The following TFB1M variants were observed in gnomAD, a reference collection of about 807,000 sequenced individuals.
The protein encoded by TFB1M is dimethyladenosine transferase 1, mitochondrial.
A neutral mutation model predicts 31.1 loss-of-function variants in TFB1M; 27 were observed. The ratio of observed to expected loss-of-function variants is 0.87; its 90% CI spans 0.64 to 1.20. TFB1M has a LOEUF of 1.20. Ranked by LOEUF, TFB1M falls within the 50% of genes most tolerant of loss-of-function variation. The pLI, the probability that TFB1M is intolerant of heterozygous loss-of-function variation, is 0.00. For missense variants in TFB1M, 394 were observed against 418.7 expected, an observed-to-expected ratio of 0.94 and a Z score of 0.51; for synonymous variants, 166 against 151.8, an observed-to-expected ratio of 1.09 and a Z score of -0.69.
chr6:155,281,750 T>C (rs974697513), intron 5 of TFB1M, among the ~76,000 whole-genome samples: 1 of 134,998 alleles, frequency 7.4e-6, no homozygotes, highest in Non-Finnish European at 1.6e-5. Context: ...AAAAAAATAG[T>C]GTTGAGAACT....
downstream of TFB1M, chr6:155,254,892 C>A: frequency 4.4e-6 from 1 of 229,298 alleles, no homozygotes; most frequent in Non-Finnish European, 8.8e-6. Context: ...AGAACAGTGC[C>A]AGGCATCCTG....
At chr6:155,265,729 A>AATATATATTATATATAATATATAATATAT (rs1784602673) in intron 5 of TFB1M, among the ~76,000 whole-genome samples, 10 of 145,412 alleles carry the variant, frequency 6.9e-5, no homozygotes, top group South Asian at 4.3e-4. Context: ...ATATAATATA[A>AATATATATTATATATAATATATAATATAT]ATATATATTA....
intron 4 of TFB1M, among the ~76,000 whole-genome samples, chr6:155,290,125 G>T (rs865879487): frequency 6.6e-6 from 1 of 152,156 alleles, no homozygotes; most frequent in Non-Finnish European, 1.5e-5. Context: ...GGTGGCTCAC[G>T]CCTGTAATCC....
chr6:155,268,960 A>T (rs1784792760), intron 5 of TFB1M, among the ~76,000 whole-genome samples: 1 of 135,920 alleles, frequency 7.4e-6, no homozygotes, highest in Admixed American at 7.9e-5. Flanking sequence ...AAAAAAAAAA[A>T]GAAAAAAGAA....
chr6:155,257,897 T>TTGAG lies in TFB1M; in HGVS notation c.976_979dup (p.Lys327ThrfsTer9), dbSNP rs774596891. On this transcript the variant is annotated frameshift_variant, in exon 7 of 7. Coordinates refer to ENST00000367166, the MANE Select transcript of TFB1M (RefSeq NM_016020.4). LOFTEE classifies it low-confidence loss of function (END_TRUNC). ...TTCTTCATTTTTGCTTTTTCTTCGC[T>TTGAG]TGAGTTCTTCTCTGAAATTATATGC... The TTGAG allele has an allele frequency of 2.0e-5, 32 of 1,614,100 alleles. No homozygotes were observed. Among genetic ancestry groups the TTGAG allele is most frequent in the East Asian group, 6.7e-5 (3 of 44,898 alleles).
chr6:155,298,753 G>A (rs899581198), intron 2 of TFB1M, among the ~76,000 whole-genome samples, 168 bp from the exon 3 acceptor site: 12 of 152,142 alleles, frequency 7.9e-5, no homozygotes, highest in African/African-American at 2.4e-4. Context: ...CAATGGTGGC[G>A]TTTCATTTTA....
chr6:155,244,659 T>C, the TFB1M span: 6 of 1,613,874 alleles, frequency 3.7e-6, no homozygotes, highest in Non-Finnish European at 4.2e-6. Flanking sequence ...TTCACATAGA[T>C]GGAGTCACTT....
chr6:155,248,771 C>G, the TFB1M span, among the ~76,000 whole-genome samples: 35 of 152,252 alleles, frequency 2.3e-4, no homozygotes, highest in South Asian at 7.1e-3. Flanking sequence ...AATAGAGGAT[C>G]CTTAAAGAGG....
chr6:155,248,161 G>C, the TFB1M span: 1 of 1,613,868 alleles, frequency 6.2e-7, no homozygotes, highest in South Asian at 1.1e-5. Flanking sequence ...GGAGAGCGAG[G>C]AGCACTACCA....
the TFB1M span, chr6:155,250,730 T>C: frequency 1.7e-6 from 2 of 1,173,370 alleles, no homozygotes; most frequent in African/African-American, 1.5e-5. Flanking sequence ...CATCAGACAC[T>C]TGGGTGCTTA....
At chr6:155,242,191 AG>A in the TFB1M span, among the ~76,000 whole-genome samples, 1 of 152,198 alleles carries the variant, frequency 6.6e-6, no homozygotes, top group Non-Finnish European at 1.5e-5. Context: ...TTTGCTGTCC[AG>A]GAAGTCCTCC....
At chr6:155,254,044 T>C (rs769963187), downstream of TFB1M, 1 of 1,614,120 alleles carries the variant, frequency 6.2e-7, no homozygotes, top group Non-Finnish European at 8.5e-7. Flanking sequence ...AGAAACCATC[T>C]TTCAGTTGTG....
chr6:155,257,342 T>G lies in TFB1M; in HGVS notation c.*494A>C. On this transcript the variant is annotated 3_prime_UTR_variant, in exon 7 of 7. Transcript: ENST00000367166. ...CAGAATCTGTAAATTACTTAGTTTA[T>G]ATCCACTTTGAGCAGGTATCAAATG... The G allele has an allele frequency of 1.8e-6, 1 of 553,164 alleles. No homozygotes were observed. Among genetic ancestry groups the G allele is most frequent in the South Asian group, 2.2e-5 (1 of 46,394 alleles). The allele number at this position is 553,164 out of a possible 1,614,324, so 34.3% of individuals were successfully genotyped here. A position where few individuals can be genotyped will look rare whatever the true frequency, so the allele number is the denominator to read the frequency against.
chr6:155,300,585 G>A (rs1470534328), intron 2 of TFB1M, among the ~76,000 whole-genome samples: 3 of 152,122 alleles, frequency 2.0e-5, no homozygotes, highest in Admixed American at 2.0e-4. Flanking sequence ...CAAAGAGGCA[G>A]AACTAATAGC....
In TFB1M at chr6:155,260,253, A is replaced by G; in HGVS notation, c.794+20T>C. On this transcript the variant is annotated intron_variant, in intron 6 of 6. Coordinates refer to ENST00000367166, the MANE Select transcript of TFB1M (RefSeq NM_016020.4). ...GATTTTATAAAGACTGCAACTGAAG[A>G]GAAGAAAAGGCATTCTTACCTGAGC... The G allele has an allele frequency of 6.2e-7, 1 of 1,613,978 alleles. No individual in the cohort carries two copies. The highest frequency in any genetic ancestry group is 8.5e-7 in the Non-Finnish European group (1 of 1,179,798).
intron 4 of TFB1M, among the ~76,000 whole-genome samples, chr6:155,294,115 T>C (rs550882515): frequency 3.3e-5 from 5 of 152,320 alleles, no homozygotes; most frequent in African/African-American, 9.6e-5. Flanking sequence ...GAGGGCTGAC[T>C]TGTGAGTAAA....
chr6:155,252,804 T>C, downstream of TFB1M: 1 of 660,528 alleles, frequency 1.5e-6, no homozygotes. Flanking sequence ...GGTGCGTAGC[T>C]GATTGACTTC....
intron 5 of TFB1M, among the ~76,000 whole-genome samples, chr6:155,263,368 C>T (rs933868772): frequency 1.3e-5 from 2 of 152,190 alleles, no homozygotes; most frequent in Admixed American, 1.3e-4. Context: ...TTTAATGCCG[C>T]CAGCCTTTTC....
In TFB1M at chr6:155,295,364, CAA is replaced by C. The variant is rs548326228; in HGVS notation, c.546+1587_546+1588del. On this transcript the variant is annotated intron_variant, in intron 4 of 6. Coordinates refer to ENST00000367166, the MANE Select transcript of TFB1M (RefSeq NM_016020.4). ...CTGGGTGACAGAGTGAGACTCTGTC[CAA>C]AAAAAAAAAAGGACAAAACTAAAGT... Among the ~76,000 whole-genome samples the C allele has an allele frequency of 3.0e-4, 31 of 102,092 alleles. No individual in the cohort carries two copies. The South Asian group carries it at 7.1e-3, about 24-fold the overall frequency. The allele number at this position is 102,092 out of a possible 152,430, so 67.0% of individuals were successfully genotyped here. A position where few individuals can be genotyped will look rare whatever the true frequency, so the allele number is the denominator to read the frequency against.
Sources: gnomAD v4.1 joint callset for allele counts (sites outside exome capture counted in the v4.1 genomes callset) on GRCh38, gnomAD v4.1.1 for gene constraint, MANE v1.5 for transcripts, NCBI Gene and HGNC (gene_info 2026-07-23, HGNC 2026-07-21) for gene names.